Variants in PLXNB3 observed in about 807,000 individuals in gnomAD.
PLXNB3 encodes the protein plexin B3.
A neutral mutation model predicts 125.7 loss-of-function variants in PLXNB3; 80 were observed. The observed-to-expected ratio is 0.64, with a 90% CI of 0.53 to 0.77. The LOEUF (loss-of-function observed/expected upper bound fraction) is 0.77, where lower values mean the gene tolerates loss of function less well. Ranked by LOEUF, PLXNB3 falls within the 30% of genes least tolerant of loss-of-function variation. PLXNB3 has a pLI of 0.00. For missense variants in PLXNB3, 1,836 were observed against 1,729.3 expected, an observed-to-expected ratio of 1.06 and a Z score of -1.09; for synonymous variants, 954 against 783.3, an observed-to-expected ratio of 1.22 and a Z score of -3.64.
At chrX:153,769,302 G>GGT in intron 6 of PLXNB3, 40 bp downstream of exon 6, 1 of 1,049,685 alleles carries the variant, frequency 9.5e-7, no homozygotes, top group East Asian at 3.3e-5. Context: ...GCCAACGGGT[G>GGT]GTGTGTGCCA....
In PLXNB3 at chrX:153,771,438, G is replaced by A. The variant is rs1351331146; in HGVS notation, c.2347+35G>A. 26 of 1,208,346 alleles carry A rather than the reference G, an allele frequency of 2.2e-5. 1 individual carries two copies. The highest frequency in any genetic ancestry group is 2.5e-5 in the Non-Finnish European group (22 of 893,109). Reference sequence around the variant, plus strand: ...AGGGCAGCCAGGCAGGCGGGGCAGGGTGGGTGGCAGACAGGAGGCGCTCAG... The same window carrying A: ...AGGGCAGCCAGGCAGGCGGGGCAGGATGGGTGGCAGACAGGAGGCGCTCAG... On this transcript the variant is annotated intron_variant, in intron 13 of 35. Coordinates refer to ENST00000361971, the MANE Select transcript of PLXNB3 (RefSeq NM_005393.3).
At chrX:153,767,957 G>T in intron 3 of PLXNB3, 44 bp downstream of exon 3, 3 of 1,066,289 alleles carry the variant, frequency 2.8e-6, no homozygotes, top group Non-Finnish European at 3.7e-6. Flanking sequence ...TGGATGGCTG[G>T]CATCTTTCAG....
Position 153,771,478 on chromosome X carries a change from C to T in PLXNB3, c.2348-8C>T. ...GAGGCGCTCAGCACACTGCCTGACC[C>T]TCCCTAGTGATCCTGTACGACTGCG... On this transcript the variant is annotated splice_polypyrimidine_tract_variant and splice_region_variant and intron_variant, in intron 13 of 35. Coordinates refer to ENST00000361971, the MANE Select transcript of PLXNB3 (RefSeq NM_005393.3). 8.3e-7 allele frequency: 1 copy of T among 1,207,363 alleles called. No homozygotes were observed.
chrX:153,771,039 G>C lies in PLXNB3; in HGVS notation c.2211G>C (p.Glu737Asp), dbSNP rs1227746011. The change falls in exon 12 of 36, where the codon GAG (glutamate) becomes GAC (aspartate). Residue 737 changes from glutamate (E) to aspartate (D), a missense_variant. Transcript: ENST00000361971. ...GGGGACTGCCGGCCACCCTGGAGGA[G>C]ACAGCAGGGGATTCAGGCCTCATCC... ...ELRGLPATLE[E>D]TAGDSGLIHC... 4.1e-6 allele frequency: 5 copies of C among 1,208,801 alleles called. No individual in the cohort carries two copies. The highest frequency in any genetic ancestry group is 3.0e-5 in the East Asian group (1 of 33,798).
chrX:153,772,839 G>A (rs1474949013), intron 16 of PLXNB3, 47 bp from the exon 17 acceptor site: 2 of 1,068,731 alleles, frequency 1.9e-6, no homozygotes, highest in Non-Finnish European at 2.4e-6. Flanking sequence ...GGGGGTGAAA[G>A]GGCCAGGCTG....
At chrX:153,769,751 GGTCATCCTTGGA>G in intron 6 of PLXNB3, 44 bp from the exon 7 acceptor site, 1 of 1,139,955 alleles carries the variant, frequency 8.8e-7, no homozygotes, top group Non-Finnish European at 1.2e-6. Context: ...CCCTGTTGCC[GGTCATCCTTGGA>G]GTCTAGGACC....
intron 34 of PLXNB3, 62 bp from the exon 35 acceptor site, chrX:153,778,538 G>A (rs1400371761): frequency 1.1e-5 from 13 of 1,176,895 alleles, no homozygotes; most frequent in African/African-American, 8.8e-5. Context: ...GCAGAGGGGG[G>A]AGACTTGGGG....
At position 153,769,833 on chromosome X, in the gene PLXNB3, G is replaced by C; in HGVS notation, c.1523G>C (p.Arg508Pro). Residue 508 changes from arginine (R) to proline (P), a missense_variant, in exon 7 of 36, where the codon CGG becomes CCG. Coordinates refer to ENST00000361971, the MANE Select transcript of PLXNB3 (RefSeq NM_005393.3). ...TGTACCCGGAAGGGCCAGTGCGGGC[G>C]GGCAGGCCAGCTGAACCAGTGGCTG... is the stretch of plus-strand genomic sequence containing the variant. ...GRCTRKGQCGRAGQLNQWLWS... is the reference protein window; with the variant it reads ...GRCTRKGQCGPAGQLNQWLWS... 8.3e-7 allele frequency: 1 copy of C among 1,204,299 alleles called. No individual in the cohort carries two copies. Among genetic ancestry groups the C allele is most frequent in the Non-Finnish European group, 1.1e-6 (1 of 892,743 alleles).
intron 28 of PLXNB3, among the ~76,000 whole-genome samples, 171 bp from the exon 29 acceptor site, chrX:153,776,711 ATGGGG>A (rs2091998009): frequency 3.1e-5 from 1 of 32,054 alleles, no homozygotes. Context: ...TGGGGCGGGG[ATGGGG>A]GGCGGGGCGG....
chrX:153,765,899 T>G, intron 2 of PLXNB3: 8 of 753,709 alleles, frequency 1.1e-5, no homozygotes, highest in Non-Finnish European at 1.3e-5. Context: ...TGCTCCCACC[T>G]CTCACCCTCG....
intron 22 of PLXNB3, 51 bp downstream of exon 22, chrX:153,774,622 CGCCCTGGCAGGCGGCTGGCCTGGCCCCG>C (rs2091966736): frequency 8.6e-7 from 1 of 1,160,515 alleles, no homozygotes; most frequent in African/African-American, 1.8e-5. Flanking sequence ...TTGGCAAGGG[CGCCCTGGCAGGCGGCTGGCCTGGCCCCG>C]GCCCTGGCTG....
intron 11 of PLXNB3, 28 bp downstream of exon 11, chrX:153,770,911 G>C (rs782719790): frequency 8.3e-7 from 1 of 1,205,003 alleles, no homozygotes; most frequent in Admixed American, 2.2e-5. Flanking sequence ...AAGGGGACAG[G>C]GCAGTGAGGT....
At chrX:153,771,831 G>A in intron 14 of PLXNB3, 33 bp from the exon 15 acceptor site, 3 of 1,196,834 alleles carry the variant, frequency 2.5e-6, no homozygotes, top group Non-Finnish European at 3.4e-6. Flanking sequence ...GTGGGTGCGG[G>A]GGACCCCATC....
chrX:153,779,092 G>T lies in PLXNB3; in HGVS notation c.*53G>T. ...ATCCACCAACACCGCAGCGCCTTAT[G>T]ACCCCGGAACCGAGCCAGCCACTGA... On this transcript the variant is annotated 3_prime_UTR_variant, in exon 36 of 36. Coordinates refer to ENST00000361971, the MANE Select transcript of PLXNB3 (RefSeq NM_005393.3). The T allele has an allele frequency of 1.1e-6, 1 of 932,118 alleles. No individual in the cohort carries two copies. The allele number at this position is 932,118 out of a possible 1,213,427, so 76.8% of individuals were successfully genotyped here.
At chrX:153,766,638 C>T (rs1029632125) in intron 2 of PLXNB3, 689 of 750,095 alleles carry the variant, frequency 9.2e-4, no homozygotes, top group Non-Finnish European at 1.1e-3. Flanking sequence ...TGCATGCACC[C>T]CTCCCTGCCT....
chrX:153,768,790 G>A (rs983373792), intron 4 of PLXNB3, among the ~76,000 whole-genome samples, 158 bp from the exon 5 acceptor site: 1 of 112,464 alleles, frequency 8.9e-6, no homozygotes, highest in Non-Finnish European at 1.9e-5. Context: ...TCCTAGGCCT[G>A]AGGGTGCTGA....
In PLXNB3 at chrX:153,777,242, G is replaced by C; in HGVS notation, c.4962G>C (p.Gly1654=). ...IPTLEDGEEG[G]VCLWHLVKAT... is the part of the protein sequence containing the mutation. ...CGCTGGAGGATGGCGAGGAGGGGGG[G>C]GTGTGCCTCTGGCACCTGGTGAAAG... Residue 1654 remains glycine (G), a synonymous_variant, in exon 30 of 36, where the codon GGG becomes GGC. Transcript: ENST00000361971. 8.5e-7 allele frequency: 1 copy of C among 1,178,890 alleles called. No homozygotes were observed. The highest frequency in any genetic ancestry group is 1.9e-5 in the South Asian group (1 of 53,455).
rs1488466383 is a variant in PLXNB3 at position 153,765,282 on chromosome X, C to T, written c.-65-189C>T. ...ACAGCACTAGCGAGTGGGGCCCTGG[C>T]CTGGCCTCTGGACAGAGGGAACATT... On this transcript the variant is annotated intron_variant, in intron 1 of 35. Coordinates refer to ENST00000361971, the MANE Select transcript of PLXNB3 (RefSeq NM_005393.3). Among the ~76,000 whole-genome samples, 14 of 113,064 alleles carry T rather than the reference C, an allele frequency of 1.2e-4. No individual in the cohort carries two copies. The Admixed American group carries it at 1.3e-3, about 10-fold the overall frequency.
In PLXNB3 at chrX:153,770,367, T is replaced by C. The variant is rs1557061252; in HGVS notation, c.1816T>C (p.Phe606Leu). 1 of 1,210,674 alleles carries C rather than the reference T, an allele frequency of 8.3e-7. No homozygotes were observed. Among genetic ancestry groups the C allele is most frequent in the Non-Finnish European group, 1.1e-6 (1 of 894,993 alleles). Residue 606 changes from phenylalanine to leucine, a missense_variant, in exon 9 of 36, where the codon TTC becomes CTC. Physicochemically the swap from Phe to Leu is conservative, Grantham distance 22. Coordinates refer to ENST00000361971, the MANE Select transcript of PLXNB3 (RefSeq NM_005393.3). ...DHVTVPLALM[F>L]EDVTVAATNF... ...CGTCACTGTGCCCCTGGCCCTGATG[T>C]TCGAGGACGTGACTGTGGCTGCCAC...
Sources: gnomAD v4.1 joint callset for allele counts (sites outside exome capture counted in the v4.1 genomes callset) on GRCh38, gnomAD v4.1.1 for gene constraint, MANE v1.5 for transcripts, NCBI Gene and HGNC (gene_info 2026-07-23, HGNC 2026-07-21) for gene names.